Variants in C1orf105 observed in about 807,000 individuals in gnomAD.
C1orf105 encodes uncharacterized protein C1orf105.
A neutral mutation model predicts 20.8 loss-of-function variants in C1orf105; 17 were observed. The ratio of observed to expected loss-of-function variants is 0.82; its 90% confidence interval spans 0.56 to 1.23. The LOEUF (loss-of-function observed/expected upper bound fraction) is 1.23, where lower values mean the gene tolerates loss of function less well. Among genes scored for constraint, C1orf105 ranks in the 50% most tolerant of loss-of-function variants. The pLI is 0.00. For synonymous variants in C1orf105, 72 were observed against 72.1 expected, an observed-to-expected ratio of 1.00 and a Z score of 0.01; for missense variants, 219 against 213.5, an observed-to-expected ratio of 1.03 and a Z score of -0.16.
intron 1 of C1orf105, chr1:172,430,442 C>A (rs185351617): frequency 5.0e-6 from 3 of 598,794 alleles, no homozygotes; most frequent in Admixed American, 2.8e-5. Flanking sequence ...TTTCTTAAAC[C>A]TTTTTTTATT....
At chr1:172,421,001 G>A in intron 1 of C1orf105, 95 bp downstream of exon 1, 1 of 1,147,714 alleles carries the variant, frequency 8.7e-7, no homozygotes, top group Non-Finnish European at 1.3e-6. Context: ...ACATTGAGGG[G>A]TGTTTCAACA....
In C1orf105 at chr1:172,440,024, T is replaced by A. The variant is rs142123841; in HGVS notation, c.22-5049T>A. ...CTTACAGAAAACCACCAATTTTTTT[T>A]ATCACAAAACACAATATTCATCTGT... is the stretch of plus-strand genomic sequence containing the variant. On this transcript the variant is annotated intron_variant, in intron 1 of 6. Transcript: ENST00000367727. Among the ~76,000 whole-genome samples the A allele has an allele frequency of 1.8e-3, 269 of 152,324 alleles. 1 individual carries two copies. The highest frequency in any genetic ancestry group is 6.1e-3 in the African/African-American group (255 of 41,572).
chr1:172,450,497 A>G (rs1648501675), intron 3 of C1orf105, among the ~76,000 whole-genome samples: 1 of 152,250 alleles, frequency 6.6e-6, no homozygotes, highest in Non-Finnish European at 1.5e-5. Flanking sequence ...CCTTCTGGAA[A>G]GAAACTGTTG....
intron 1 of C1orf105, among the ~76,000 whole-genome samples, chr1:172,426,880 A>G (rs4916186): frequency 0.39 from 59,177 of 151,992 alleles, 14,125 homozygotes; most frequent in East Asian, 0.63. Flanking sequence ...CCCTTCTCTC[A>G]ATTTGTTAAA....
At chr1:172,450,898 G>A (rs1422010236) in intron 3 of C1orf105, 1 of 152,298 alleles carries the variant, frequency 6.6e-6, no homozygotes. Context: ...GGAGAGGCAG[G>A]TCTGTCAAAG....
intron 1 of C1orf105, among the ~76,000 whole-genome samples, chr1:172,424,198 G>C (rs1322204400): frequency 6.6e-6 from 1 of 152,164 alleles, no homozygotes; most frequent in Admixed American, 6.5e-5. Flanking sequence ...CATGAGCCAT[G>C]GGTAGATAAT....
intron 4 of C1orf105, among the ~76,000 whole-genome samples, chr1:172,459,192 A>T (rs527438234): frequency 1.8e-4 from 27 of 152,302 alleles, no homozygotes; most frequent in African/African-American, 5.8e-4. Context: ...TAGATAAATC[A>T]GTCTTCATAA....
intron 1 of C1orf105, among the ~76,000 whole-genome samples, chr1:172,431,451 G>A (rs1023626583): frequency 5.3e-5 from 8 of 152,214 alleles, no homozygotes; most frequent in African/African-American, 1.9e-4. Context: ...GCTGAGAGAG[G>A]AGAGGAAGCT....
chr1:172,445,084 A>G lies in C1orf105; in HGVS notation c.33A>G (p.Pro11=), dbSNP rs368132186. 6.2e-7 allele frequency: 1 copy of G among 1,613,162 alleles called. No individual in the cohort carries two copies. The highest frequency in any genetic ancestry group is 8.5e-7 in the Non-Finnish European group (1 of 1,179,568). MEKRELKASV[P]KFDKIPWLSE... ...CTATTTCCCTCTAGGCTTCTGTTCC[A>G]AAATTTGACAAGATTCCTTGGCTTA... The change falls in exon 2 of 7, where the codon CCA becomes CCG. Residue 11 remains proline (P), a synonymous_variant. Transcript: ENST00000367727.
chr1:172,462,090 A>G lies in C1orf105; in HGVS notation c.274-88A>G, dbSNP rs186721214. 1.5e-4 allele frequency: 149 copies of G among 995,618 alleles called. No individual in the cohort carries two copies. The African/African-American group carries it at 2.2e-3, about 15-fold the overall frequency. 61.7% of individuals were successfully genotyped at this position (995,618 alleles called of 1,614,324 possible). A position where few individuals can be genotyped will look rare whatever the true frequency, so the allele number is the denominator to read the frequency against. ...TGTATGAAGGACTTTGACATCAAAT[A>G]CAACACAAATTCACTAAAGTGGTAC... On this transcript the variant is annotated intron_variant, in intron 4 of 6. Coordinates refer to ENST00000367727, the MANE Select transcript of C1orf105 (RefSeq NM_139240.4).
At chr1:172,421,017 C>A in intron 1 of C1orf105, 111 bp downstream of exon 1, 1 of 996,588 alleles carries the variant, frequency 1.0e-6, no homozygotes, top group Non-Finnish European at 1.5e-6. Flanking sequence ...CAACAGACAT[C>A]CTAGAAGTTG....
At chr1:172,428,752 C>A in intron 1 of C1orf105, 1 of 676,920 alleles carries the variant, frequency 1.5e-6, no homozygotes, top group Non-Finnish European at 2.7e-6. Flanking sequence ...GCTATAATGT[C>A]AGCTCTACTA....
At chr1:172,456,543 C>A in intron 4 of C1orf105, 54 bp downstream of exon 4, 1 of 1,528,802 alleles carries the variant, frequency 6.5e-7, no homozygotes, top group Non-Finnish European at 9.0e-7. Flanking sequence ...TGCAGCACTG[C>A]CCTTCCCAGC....
At chr1:172,442,917 A>G (rs1558132953) in intron 1 of C1orf105, 3 of 303,488 alleles carry the variant, frequency 9.9e-6, no homozygotes, top group Non-Finnish European at 1.3e-5. Flanking sequence ...CAGTTTACTA[A>G]AAGTCTGAGA....
intron 3 of C1orf105, among the ~76,000 whole-genome samples, chr1:172,454,499 G>A (rs2285173): frequency 0.26 from 38,820 of 151,738 alleles, 5,285 homozygotes; most frequent in East Asian, 0.35. Flanking sequence ...AAGCAGAGGA[G>A]TCAATATCCA....
chr1:172,451,251 T>G (rs954792757), intron 3 of C1orf105: 1 of 152,232 alleles, frequency 6.6e-6, no homozygotes, highest in African/African-American at 2.4e-5. Flanking sequence ...ACCCTCTCAA[T>G]TCCTGCCCCC....
chr1:172,447,571 G>C (rs565395971), intron 2 of C1orf105, among the ~76,000 whole-genome samples: 1 of 152,338 alleles, frequency 6.6e-6, no homozygotes, highest in East Asian at 1.9e-4. Flanking sequence ...CAAAGACAAA[G>C]ACCCCGAGGG....
At chr1:172,441,932 C>CATAGCT in intron 1 of C1orf105, 2 of 1,614,160 alleles carry the variant, frequency 1.2e-6, no homozygotes, top group Non-Finnish European at 1.7e-6. Flanking sequence ...AGCAGTGTGA[C>CATAGCT]CCCCACATAG....
At chr1:172,442,760 G>C (rs778351354) in intron 1 of C1orf105, 92 of 751,546 alleles carry the variant, frequency 1.2e-4, no homozygotes, top group Admixed American at 1.5e-4. Context: ...ACCTTTCCTT[G>C]TTTTCAAAGG....
Sources: allele counts gnomAD v4.1 joint callset (sites outside exome capture counted in the v4.1 genomes callset), GRCh38; gene constraint gnomAD v4.1.1; transcripts MANE v1.5; gene names NCBI Gene and HGNC (gene_info 2026-07-23, HGNC 2026-07-21).